Variants in KIDINS220 observed in about 807,000 individuals in gnomAD.
The protein encoded by KIDINS220 is kinase D interacting substrate 220, also known as kinase D-interacting substrate of 220 kDa.
A neutral mutation model predicts 157.6 loss-of-function variants in KIDINS220; 63 were observed. The observed-to-expected ratio is 0.40, with a 90% confidence interval of 0.33 to 0.49. The LOEUF (loss-of-function observed/expected upper bound fraction) is 0.49, where lower values mean the gene tolerates loss of function less well. KIDINS220 is among the 20% of genes least tolerant of loss of function. The pLI, the probability that KIDINS220 is intolerant of heterozygous loss-of-function variation, is 0.66. For synonymous variants in KIDINS220, 732 were observed against 783.6 expected (o/e 0.93, Z 1.10); for missense variants, 1,772 against 2,171.2 (o/e 0.82, Z 3.65).
chr2:8,806,119 T>C, intron 7 of KIDINS220, 152 bp downstream of exon 7: 1 of 621,554 alleles, frequency 1.6e-6, no homozygotes, highest in Non-Finnish European at 2.9e-6. Context: ...TAATATAACA[T>C]TCTTAGAGTA....
chr2:8,757,549 T>C, intron 22 of KIDINS220: 1 of 1,479,750 alleles, frequency 6.8e-7, no homozygotes, highest in South Asian at 1.4e-5. Context: ...CCCATTCCGT[T>C]GTCTCATGAA....
At chr2:8,747,307 A>C in intron 25 of KIDINS220, 106 bp from the exon 26 acceptor site, 1 of 962,544 alleles carries the variant, frequency 1.0e-6, no homozygotes, top group African/African-American at 1.6e-5. Flanking sequence ...CTGAAACTCA[A>C]CAGTTTATGT....
intron 3 of KIDINS220, among the ~76,000 whole-genome samples, chr2:8,818,218 C>T (rs1356969171): frequency 6.6e-6 from 1 of 151,914 alleles, no homozygotes; most frequent in Non-Finnish European, 1.5e-5. Flanking sequence ...AATTAAGAAA[C>T]AAAATAGATG....
intron 26 of KIDINS220, chr2:8,746,436 T>G (rs1410836042): frequency 6.6e-6 from 1 of 151,110 alleles, no homozygotes; most frequent in Non-Finnish European, 1.5e-5. Flanking sequence ...GGTGATTCCC[T>G]CTACAAGGTT....
At chr2:8,772,278 C>T (rs1049178043) in intron 21 of KIDINS220, among the ~76,000 whole-genome samples, 6 of 152,066 alleles carry the variant, frequency 3.9e-5, no homozygotes, top group Non-Finnish European at 8.8e-5. Flanking sequence ...GAGTTCAAGA[C>T]CAGCCTGGCC....
intron 22 of KIDINS220, among the ~76,000 whole-genome samples, chr2:8,754,703 T>C (rs1667775985): frequency 6.6e-6 from 1 of 152,242 alleles, no homozygotes; most frequent in Admixed American, 6.5e-5. Flanking sequence ...TTGGCAGAAA[T>C]TGCATAAACT....
At chr2:8,806,209 T>C in intron 7 of KIDINS220, 62 bp downstream of exon 7, 2 of 1,223,568 alleles carry the variant, frequency 1.6e-6, no homozygotes, top group Non-Finnish European at 2.3e-6. Flanking sequence ...AAGAAATAAA[T>C]TCTCTCTCTT....
At chr2:8,825,656 A>G (rs762857022) in intron 2 of KIDINS220, 7 of 152,192 alleles carry the variant, frequency 4.6e-5, no homozygotes, top group Non-Finnish European at 8.8e-5. Context: ...GGCAAGAAAT[A>G]TTATACTCTT....
chr2:8,828,535 T>A (rs1679165492), intron 1 of KIDINS220, among the ~76,000 whole-genome samples: 1 of 152,178 alleles, frequency 6.6e-6, no homozygotes, highest in African/African-American at 2.4e-5. Context: ...TAAACCTCAA[T>A]CCATACTTTG....
Position 8,796,880 on chromosome 2 carries a change from A to T in KIDINS220, c.1000-11T>A. 1 of 1,598,438 alleles carries T rather than the reference A, an allele frequency of 6.3e-7. No individual in the cohort carries two copies. Among genetic ancestry groups the T allele is most frequent in the Non-Finnish European group, 8.6e-7 (1 of 1,165,652 alleles). Reference sequence around the variant, plus strand: ...TGGCGTTTCACCATCCTGTGGGCACAAATAAGAACATTTGCCAGATTAATA... The same window carrying T: ...TGGCGTTTCACCATCCTGTGGGCACTAATAAGAACATTTGCCAGATTAATA... On this transcript the variant is annotated splice_polypyrimidine_tract_variant and intron_variant, in intron 10 of 29. Coordinates refer to ENST00000256707, the MANE Select transcript of KIDINS220 (RefSeq NM_020738.4).
At chr2:8,786,641 G>C (rs1053253136) in intron 15 of KIDINS220, among the ~76,000 whole-genome samples, 7 of 152,146 alleles carry the variant, frequency 4.6e-5, no homozygotes, top group African/African-American at 1.7e-4. Context: ...CCAGAACTTA[G>C]ATGTGGAGTA....
chr2:8,777,594 C>T (rs1010678861), intron 20 of KIDINS220, among the ~76,000 whole-genome samples: 1 of 152,226 alleles, frequency 6.6e-6, no homozygotes, highest in African/African-American at 2.4e-5. Context: ...AGCACTGCAC[C>T]TGGCCTGATG....
chr2:8,805,832 T>C (rs1229744868), intron 7 of KIDINS220, among the ~76,000 whole-genome samples: 3 of 152,152 alleles, frequency 2.0e-5, no homozygotes, highest in Non-Finnish European at 4.4e-5. Flanking sequence ...GGTAACACAC[T>C]GCACAGGCCT....
chr2:8,830,439 G>A (rs1388909894), intron 1 of KIDINS220, among the ~76,000 whole-genome samples: 1 of 152,054 alleles, frequency 6.6e-6, no homozygotes, highest in Non-Finnish European at 1.5e-5. Context: ...TATTTTTTGA[G>A]ACAGGGTCTC....
At position 8,827,116 on chromosome 2, in the gene KIDINS220, C is replaced by G. The variant is rs776660845; in HGVS notation, c.-23G>C. On this transcript the variant is annotated 5_prime_UTR_variant, in exon 2 of 30. Transcript: ENST00000256707. The stretch of plus-strand genomic sequence containing the variant: ...CATTTTCACAGAAAGCTGCAATTAA[C>G]TTTATTTGAATACCTGTTAAATTAG... The G allele has an allele frequency of 5.2e-6, 7 of 1,348,996 alleles. No individual in the cohort carries two copies. Among genetic ancestry groups the G allele is most frequent in the Admixed American group, 1.9e-5 (1 of 53,488 alleles). The allele number at this position is 1,348,996 out of a possible 1,614,324, so 83.6% of individuals were successfully genotyped here.
At chr2:8,793,735 G>A (rs907980608) in intron 12 of KIDINS220, 75 bp downstream of exon 12, 4 of 1,349,592 alleles carry the variant, frequency 3.0e-6, no homozygotes, top group African/African-American at 2.9e-5. Context: ...CACCATGCCT[G>A]GCCTTATTTT....
In KIDINS220 at chr2:8,736,322, A is replaced by G. The variant is rs576079691; in HGVS notation, c.3717+546T>C. 5.5e-4 allele frequency among the ~76,000 whole-genome samples: 84 copies of G among 152,344 alleles called. 1 individual carries two copies. Among genetic ancestry groups the G allele is most frequent in the South Asian group, 1.7e-3 (8 of 4,826 alleles). On this transcript the variant is annotated intron_variant, in intron 27 of 29. Coordinates refer to ENST00000256707, the MANE Select transcript of KIDINS220 (RefSeq NM_020738.4). The stretch of plus-strand genomic sequence containing the variant: ...CTTCCTGATAGCTGCTAGAATTGCA[A>G]TAGGATCTTAGAAGAAAAAAAAACT...
intron 1 of KIDINS220, among the ~76,000 whole-genome samples, chr2:8,833,731 T>C (rs1679986368): frequency 6.6e-6 from 1 of 152,218 alleles, no homozygotes; most frequent in African/African-American, 2.4e-5. Flanking sequence ...ATACATTCTT[T>C]TGCACAATTA....
chr2:8,827,263 G>A (rs1040816176), intron 1 of KIDINS220, 134 bp from the exon 2 acceptor site: 34 of 479,208 alleles, frequency 7.1e-5, no homozygotes, highest in Non-Finnish European at 1.2e-4. Context: ...GACTTCCCAC[G>A]GCTTCCATAG....
Sources: allele counts gnomAD v4.1 joint callset (sites outside exome capture counted in the v4.1 genomes callset), GRCh38; gene constraint gnomAD v4.1.1; transcripts MANE v1.5; gene names NCBI Gene and HGNC (gene_info 2026-07-23, HGNC 2026-07-21).